Variants in EFTUD2 observed in about 807,000 individuals in gnomAD.
EFTUD2 encodes elongation factor Tu GTP binding domain containing 2.
Under a neutral mutation model 114.3 loss-of-function variants are expected in EFTUD2, and 9 were observed. The observed-to-expected ratio is 0.08, with a 90% CI of 0.05 to 0.14. The LOEUF (loss-of-function observed/expected upper bound fraction) is 0.14. EFTUD2 is among the 10% of genes least tolerant of loss of function. EFTUD2 has a pLI of 1.00. For missense variants in EFTUD2, 765 were observed against 1,241.2 expected (o/e 0.62, Z 5.76); for synonymous variants, 449 against 462.3 (o/e 0.97, Z 0.37).
chr17:44,851,388 A>T lies in EFTUD2; in HGVS notation c.2824-19T>A, dbSNP rs1436958328. 1 of 1,601,348 alleles carries T rather than the reference A, an allele frequency of 6.2e-7. No homozygotes were observed. The highest frequency in any genetic ancestry group is 1.7e-5 in the Admixed American group (1 of 60,002). On this transcript the variant is annotated intron_variant, in intron 27 of 27. Transcript: ENST00000426333. ...TGAGGCCCTGCAGGGAATGGGGCAA[A>T]TATAAGAAAGCCCGAGGTGGTCGCA...
At chr17:44,868,591 C>T in intron 11 of EFTUD2, 1 of 495,138 alleles carries the variant, frequency 2.0e-6, no homozygotes, top group South Asian at 3.1e-5. Flanking sequence ...TCCATCTCCA[C>T]CAAGCACTAG....
intron 7 of EFTUD2, among the ~76,000 whole-genome samples, chr17:44,881,175 A>C (rs2051065959): frequency 6.6e-6 from 1 of 152,200 alleles, no homozygotes; most frequent in Admixed American, 6.5e-5. Context: ...AACTTCCATT[A>C]GGAAAAAGAG....
At chr17:44,896,200 T>C (rs550469556) in intron 1 of EFTUD2, among the ~76,000 whole-genome samples, 29 of 152,372 alleles carry the variant, frequency 1.9e-4, no homozygotes, top group African/African-American at 5.5e-4. Flanking sequence ...AGTAGTGTTT[T>C]GTGGGTTTTC....
chr17:44,859,489 G>A, intron 18 of EFTUD2: 1 of 507,034 alleles, frequency 2.0e-6, no homozygotes, highest in Non-Finnish European at 3.6e-6. Context: ...CTCCTGGCCT[G>A]CTACCTGGAA....
chr17:44,896,158 T>C (rs1462121206), intron 1 of EFTUD2, among the ~76,000 whole-genome samples: 1 of 152,238 alleles, frequency 6.6e-6, no homozygotes, highest in African/African-American at 2.4e-5. Context: ...GGCCTCTCCA[T>C]TGTAAAGTTA....
Position 44,853,823 on chromosome 17 carries a change from A to G in EFTUD2, c.2348-188T>C, listed in dbSNP as rs560924986. Reference sequence around the variant, plus strand: ...CCATGGCAGAGGTCAGAAGTTAAGCATATGTTCTTAGTGTTTGCTTCAGGC... The same window carrying G: ...CCATGGCAGAGGTCAGAAGTTAAGCGTATGTTCTTAGTGTTTGCTTCAGGC... On this transcript the variant is annotated intron_variant, in intron 23 of 27. Coordinates refer to ENST00000426333, the MANE Select transcript of EFTUD2 (RefSeq NM_004247.4). The G allele has an allele frequency of 4.9e-6, 7 of 1,428,732 alleles. No individual in the cohort carries two copies. In the Admixed American group the frequency reaches 1.7e-4, roughly 34 times the overall value. 88.5% of individuals were successfully genotyped at this position (1,428,732 alleles called of 1,614,324 possible).
At chr17:44,869,281 T>C (rs1195175789) in intron 11 of EFTUD2, among the ~76,000 whole-genome samples, 2 of 152,228 alleles carry the variant, frequency 1.3e-5, no homozygotes, top group African/African-American at 2.4e-5. Context: ...GTTAATGCAC[T>C]TACCATGCAG....
At chr17:44,890,606 C>T (rs935843206) in intron 2 of EFTUD2, among the ~76,000 whole-genome samples, 1 of 150,960 alleles carries the variant, frequency 6.6e-6, no homozygotes. Flanking sequence ...GCAGGAGAAT[C>T]GCTTGAACCC....
chr17:44,853,419 C>G, intron 24 of EFTUD2, 29 bp from the exon 25 acceptor site: 2 of 1,613,534 alleles, frequency 1.2e-6, no homozygotes, highest in Non-Finnish European at 1.7e-6. Context: ...AAAGGCCCCT[C>G]AGCTTGGGGA....
In EFTUD2 at chr17:44,872,455, C is replaced by G; in HGVS notation, c.985G>C (p.Asp329His). The change falls in exon 11 of 28, where the codon GAC becomes CAC. Residue 329 changes from aspartate to histidine, a missense_variant. Physicochemically the swap from Asp to His is moderately conservative, Grantham distance 81 (BLOSUM62 -1). Coordinates refer to ENST00000426333, the MANE Select transcript of EFTUD2 (RefSeq NM_004247.4). ...TLGSFAKIYA[D>H]TFGDINYQEF... is the part of the protein sequence containing the mutation. ...GCCAGCCAGCGCTTACCAAAGGTGT[C>G]GGCATAGATCTTGGCAAAGGAGCCC... 6.2e-7 allele frequency: 1 copy of G among 1,612,488 alleles called. No individual in the cohort carries two copies. The highest frequency in any genetic ancestry group is 8.5e-7 in the Non-Finnish European group (1 of 1,179,032).
chr17:44,855,518 A>G (rs955400557), intron 20 of EFTUD2, among the ~76,000 whole-genome samples: 2 of 151,888 alleles, frequency 1.3e-5, no homozygotes, highest in African/African-American at 4.8e-5. Context: ...CAGTGAGCCG[A>G]GATTGTGCCA....
intron 1 of EFTUD2, among the ~76,000 whole-genome samples, chr17:44,895,651 GAA>G (rs1421994437): frequency 6.6e-6 from 1 of 152,070 alleles, no homozygotes; most frequent in African/African-American, 2.4e-5. Context: ...GTCCTTAATA[GAA>G]AAAGTTTGCC....
intron 1 of EFTUD2, among the ~76,000 whole-genome samples, chr17:44,898,363 G>A (rs1234726549): frequency 1.3e-5 from 2 of 152,134 alleles, no homozygotes; most frequent in African/African-American, 4.8e-5. Flanking sequence ...GACTACAGGA[G>A]TGCACCACTA....
At chr17:44,860,376 T>A in intron 17 of EFTUD2, 56 bp downstream of exon 17, 1 of 1,209,926 alleles carries the variant, frequency 8.3e-7, no homozygotes, top group African/African-American at 1.5e-5. Flanking sequence ...TGCTCATGTG[T>A]GTCCCTGGGA....
chr17:44,894,597 C>G (rs180744327), intron 1 of EFTUD2, 72 bp from the exon 2 acceptor site: 1 of 1,146,294 alleles, frequency 8.7e-7, no homozygotes, highest in East Asian at 2.3e-5. Flanking sequence ...CTCCACCTGT[C>G]TAGTCTTAGT....
At chr17:44,857,533 T>A (rs778711186) in intron 19 of EFTUD2, 2 of 254,940 alleles carry the variant, frequency 7.8e-6, no homozygotes, top group Non-Finnish European at 1.6e-5. Context: ...ACCCATGTCA[T>A]TCTCAACCCA....
rs752352962 is a variant in EFTUD2 at position 44,885,295 on chromosome 17, A to C, written c.311T>G (p.Leu104Arg). 6.2e-7 allele frequency: 1 copy of C among 1,614,132 alleles called. No homozygotes were observed. Among genetic ancestry groups the C allele is most frequent in the Non-Finnish European group, 8.5e-7 (1 of 1,179,974 alleles). Residue 104 changes from leucine (L) to arginine (R), a missense_variant, in exon 4 of 28, where the codon CTG (leucine) becomes CGG (arginine). Leu to Arg is a moderately radical substitution (Grantham distance 102). This residue lies in a region of EFTUD2 where 121 missense variants were observed against 133.7 expected (regional missense o/e 0.90). Coordinates refer to ENST00000426333, the MANE Select transcript of EFTUD2 (RefSeq NM_004247.4). ...IKPVKTKKFT[L>R]MEQTLPVTVY... ...CGTAACAGGTAATGTCTGCTCCATCAGAGTGAATTTCTTGGTTTTCACTGG... is the reference window on the plus strand; with the variant it reads ...CGTAACAGGTAATGTCTGCTCCATCCGAGTGAATTTCTTGGTTTTCACTGG...
chr17:44,881,239 G>A (rs528930850), intron 7 of EFTUD2, among the ~76,000 whole-genome samples: 29 of 152,104 alleles, frequency 1.9e-4, no homozygotes, highest in Admixed American at 1.8e-3. Flanking sequence ...AGAAAGATCC[G>A]GAAGGAAAGA....
intron 7 of EFTUD2, 52 bp from the exon 8 acceptor site, chr17:44,880,696 T>C (rs1369027050): frequency 6.6e-7 from 1 of 1,509,178 alleles, no homozygotes; most frequent in Non-Finnish European, 9.2e-7. Flanking sequence ...GAGGGGTTCA[T>C]TTTGTTTTTG....
Sources: allele counts gnomAD v4.1 joint callset (sites outside exome capture counted in the v4.1 genomes callset), GRCh38; gene constraint gnomAD v4.1.1; regional missense constraint gnomAD v4.1.1; transcripts MANE v1.5; gene names NCBI Gene and HGNC (gene_info 2026-07-23, HGNC 2026-07-21).